Variants in UBE2H observed in about 807,000 individuals in gnomAD.
UBE2H encodes ubiquitin conjugating enzyme E2 H, also known as ubiquitin-conjugating enzyme E2 H.
In UBE2H, 3 loss-of-function variants were observed where a neutral mutation model predicts 29.0. The ratio of observed to expected loss-of-function variants is 0.10; its 90% CI spans 0.05 to 0.27. The LOEUF (loss-of-function observed/expected upper bound fraction) is 0.27. UBE2H is among the 10% of genes least tolerant of loss of function. The pLI is 1.00. For missense variants in UBE2H, 68 were observed against 228.2 expected (o/e 0.30, Z 4.52); for synonymous variants, 69 against 82.9 (o/e 0.83, Z 0.91).
rs972275565 is a variant in UBE2H at position 129,872,128 on chromosome 7, T to C, written c.205+7440A>G. On this transcript the variant is annotated intron_variant, in intron 3 of 6. Coordinates refer to ENST00000355621, the MANE Select transcript of UBE2H (RefSeq NM_003344.4). ...CCTCGGCCTCCCAACGTGCTGGTATTACGGGCATGAGTCATCGTGCCCAGT... is the reference window on the plus strand; with the variant it reads ...CCTCGGCCTCCCAACGTGCTGGTATCACGGGCATGAGTCATCGTGCCCAGT... Among the ~76,000 whole-genome samples, 23 of 152,330 alleles carry C rather than the reference T, an allele frequency of 1.5e-4. No homozygotes were observed. In the East Asian group the frequency reaches 1.7e-3, roughly 11 times the overall value.
At chr7:129,937,640 C>T (rs539189326) in intron 1 of UBE2H, among the ~76,000 whole-genome samples, 1 of 152,292 alleles carries the variant, frequency 6.6e-6, no homozygotes, top group African/African-American at 2.4e-5. Flanking sequence ...TAATCAGAGA[C>T]AGCACTTTAG....
At chr7:129,895,831 G>A (rs1352989984) in intron 1 of UBE2H, among the ~76,000 whole-genome samples, 2 of 151,928 alleles carry the variant, frequency 1.3e-5, no homozygotes, top group Admixed American at 6.6e-5. Context: ...AGTTGAGATC[G>A]CGCCACTGCA....
chr7:129,845,604 T>C (rs1322476155), intron 5 of UBE2H, among the ~76,000 whole-genome samples: 1 of 152,196 alleles, frequency 6.6e-6, no homozygotes, highest in Non-Finnish European at 1.5e-5. Flanking sequence ...AGGGCCACTT[T>C]GGAGGAGAAT....
intron 3 of UBE2H, among the ~76,000 whole-genome samples, chr7:129,871,793 C>T (rs1359330171): frequency 6.6e-6 from 1 of 151,804 alleles, no homozygotes; most frequent in Admixed American, 6.6e-5. Context: ...GTCATAACCA[C>T]GGTTATTAGA....
At chr7:129,854,608 C>A (rs1032581510) in intron 5 of UBE2H, among the ~76,000 whole-genome samples, 3 of 152,228 alleles carry the variant, frequency 2.0e-5, no homozygotes, top group Non-Finnish European at 2.9e-5. Flanking sequence ...AGTACACTAA[C>A]ATTTTATAAA....
At chr7:129,838,678 C>T (rs1805372973) in intron 6 of UBE2H, among the ~76,000 whole-genome samples, 1 of 152,100 alleles carries the variant, frequency 6.6e-6, no homozygotes, top group Admixed American at 6.6e-5. Context: ...CTTGCTCTGT[C>T]ACCCAGGCTG....
intron 1 of UBE2H, among the ~76,000 whole-genome samples, chr7:129,891,209 G>A (rs1046437952): frequency 3.3e-5 from 5 of 151,134 alleles, no homozygotes; most frequent in Non-Finnish European, 7.4e-5. Flanking sequence ...TTTTGAGACG[G>A]AGTTTCACTC....
Position 129,901,695 on chromosome 7 carries a change from A to G in UBE2H, c.54-20724T>C, listed in dbSNP as rs768626875. 7.4e-4 allele frequency among the ~76,000 whole-genome samples: 113 copies of G among 152,198 alleles called. 1 individual carries two copies. The highest frequency in any genetic ancestry group is 4.4e-4 in the Non-Finnish European group (30 of 67,994). On this transcript the variant is annotated intron_variant, in intron 1 of 6. Coordinates refer to ENST00000355621, the MANE Select transcript of UBE2H (RefSeq NM_003344.4). ...CTGCAACCTCTGCCTCCCGGGTTCAAGCGATTCTCCTGCCTCAGCCTCCTG... is the reference window on the plus strand; with the variant it reads ...CTGCAACCTCTGCCTCCCGGGTTCAGGCGATTCTCCTGCCTCAGCCTCCTG...
chr7:129,928,381 T>C (rs908797148), intron 1 of UBE2H, among the ~76,000 whole-genome samples: 4 of 152,086 alleles, frequency 2.6e-5, no homozygotes, highest in Non-Finnish European at 5.9e-5. Flanking sequence ...GGCAGGTGGA[T>C]CATTTGAGGT....
chr7:129,943,048 G>A (rs1453327495), intron 1 of UBE2H, among the ~76,000 whole-genome samples: 1 of 152,032 alleles, frequency 6.6e-6, no homozygotes, highest in African/African-American at 2.4e-5. Flanking sequence ...TCGCCATGTT[G>A]GCCAGGTTGG....
chr7:129,947,001 C>T (rs1298835773), intron 1 of UBE2H, among the ~76,000 whole-genome samples: 1 of 151,786 alleles, frequency 6.6e-6, no homozygotes, highest in Admixed American at 6.6e-5. Context: ...TTAAATATAT[C>T]TATAAAATGC....
chr7:129,858,781 T>C (rs765208688), intron 4 of UBE2H, 121 bp downstream of exon 4: 37 of 834,240 alleles, frequency 4.4e-5, no homozygotes, highest in African/African-American at 3.1e-4. Context: ...TACATGACCA[T>C]TCATACAGTC....
chr7:129,872,845 CAAAAAA>C (rs34001143), intron 3 of UBE2H, among the ~76,000 whole-genome samples: 13 of 72,006 alleles, frequency 1.8e-4, no homozygotes, highest in South Asian at 8.3e-4. Flanking sequence ...CACTCCGTCT[CAAAAAA>C]AAAAAAAAAA....
At chr7:129,880,785 C>T in intron 2 of UBE2H, 110 bp downstream of exon 2, 1 of 886,852 alleles carries the variant, frequency 1.1e-6, no homozygotes, top group Non-Finnish European at 1.7e-6. Flanking sequence ...TGCAGTCCAA[C>T]TAAACTTGCT....
intron 1 of UBE2H, among the ~76,000 whole-genome samples, chr7:129,888,337 T>C (rs1044936297): frequency 7.9e-5 from 12 of 152,170 alleles, no homozygotes; most frequent in Admixed American, 2.6e-4. Context: ...TGGGCTGCTA[T>C]CAGTGATGAA....
chr7:129,864,173 A>G (rs921542264), intron 3 of UBE2H, among the ~76,000 whole-genome samples: 5 of 152,218 alleles, frequency 3.3e-5, no homozygotes, highest in Non-Finnish European at 5.9e-5. Context: ...TTCTTAGACA[A>G]GCTGTGGGCA....
At chr7:129,924,926 T>C (rs1199147883) in intron 1 of UBE2H, among the ~76,000 whole-genome samples, 2 of 151,982 alleles carry the variant, frequency 1.3e-5, no homozygotes, top group Admixed American at 1.3e-4. Context: ...GAGTTAAAGG[T>C]TGAGGGTACA....
At chr7:129,916,985 C>T (rs1584784620) in intron 1 of UBE2H, among the ~76,000 whole-genome samples, 1 of 146,346 alleles carries the variant, frequency 6.8e-6, no homozygotes, top group Non-Finnish European at 1.5e-5. Flanking sequence ...TGCAGTGAGC[C>T]GAGATCACAC....
At chr7:129,899,426 C>T (rs979376553) in intron 1 of UBE2H, among the ~76,000 whole-genome samples, 12 of 152,332 alleles carry the variant, frequency 7.9e-5, no homozygotes, top group Admixed American at 2.6e-4. Context: ...TTAAACACCA[C>T]CTCAATTGCC....
Sources: gnomAD v4.1 joint callset for allele counts (sites outside exome capture counted in the v4.1 genomes callset) on GRCh38, gnomAD v4.1.1 for gene constraint, MANE v1.5 for transcripts, NCBI Gene and HGNC (gene_info 2026-07-23, HGNC 2026-07-21) for gene names.